The following MGAT4C variants were observed in gnomAD, a reference collection of about 807,000 sequenced individuals.
MGAT4C encodes the protein alpha-1,3-mannosyl-glycoprotein 4-beta-N-acetylglucosaminyltransferase C.
MGAT4C carries 19 observed loss-of-function variants against 40.1 expected under a neutral mutation model. The ratio of observed to expected loss-of-function variants is 0.47; its 90% CI spans 0.33 to 0.70. The LOEUF (loss-of-function observed/expected upper bound fraction) is 0.70, where lower values mean the gene tolerates loss of function less well. MGAT4C is among the 30% of genes least tolerant of loss of function. The pLI is 0.02. For missense variants in MGAT4C, 491 were observed against 563.2 expected, an observed-to-expected ratio of 0.87 and a Z score of 1.30; for synonymous variants, 181 against 187.1, an observed-to-expected ratio of 0.97 and a Z score of 0.27.
intron 2 of MGAT4C, among the ~76,000 whole-genome samples, chr12:86,554,512 G>A (rs1488046855): frequency 6.6e-6 from 1 of 152,040 alleles, no homozygotes; most frequent in Non-Finnish European, 1.5e-5. Flanking sequence ...ATCCTCTTCT[G>A]TTTCCCCAAG....
intron 2 of MGAT4C, among the ~76,000 whole-genome samples, chr12:86,621,638 C>T (rs1317116222): frequency 6.6e-6 from 1 of 152,042 alleles, no homozygotes; most frequent in African/African-American, 2.4e-5. Flanking sequence ...ACCACCATGG[C>T]TGGCTAATTT....
intron 2 of MGAT4C, among the ~76,000 whole-genome samples, chr12:86,617,880 G>A (rs1593048502): frequency 6.6e-6 from 1 of 151,956 alleles, no homozygotes; most frequent in East Asian, 1.9e-4. Flanking sequence ...TGAAACAATC[G>A]ACAATGTGAA....
intron 4 of MGAT4C, among the ~76,000 whole-genome samples, chr12:86,297,258 A>G (rs1953704899): frequency 6.6e-6 from 1 of 152,192 alleles, no homozygotes; most frequent in South Asian, 2.1e-4. Flanking sequence ...TTTAAGAATC[A>G]TAATAATTAT....
At chr12:86,217,029 T>C (rs1950698496) in intron 1 of MGAT4C, among the ~76,000 whole-genome samples, 1 of 152,194 alleles carries the variant, frequency 6.6e-6, no homozygotes, top group Non-Finnish European at 1.5e-5. Flanking sequence ...TTCCTCCCTA[T>C]AGCACAAGGT....
At chr12:86,058,311 T>A (rs1206060717) in intron 1 of MGAT4C, among the ~76,000 whole-genome samples, 1 of 152,144 alleles carries the variant, frequency 6.6e-6, no homozygotes, top group Non-Finnish European at 1.5e-5. Flanking sequence ...GTAAGTGGTA[T>A]AAATCTCAAA....
intron 2 of MGAT4C, among the ~76,000 whole-genome samples, chr12:86,528,669 T>C (rs536632983): frequency 6.6e-6 from 1 of 152,208 alleles, no homozygotes; most frequent in Non-Finnish European, 1.5e-5. Context: ...GAAAATTTTG[T>C]GTTTCTGTTT....
At chr12:86,161,492 T>C (rs775688834) in intron 1 of MGAT4C, among the ~76,000 whole-genome samples, 2 of 152,102 alleles carry the variant, frequency 1.3e-5, no homozygotes, top group African/African-American at 2.4e-5. Flanking sequence ...TTTCACCATA[T>C]ACAAAAATTA....
At chr12:86,563,139 A>G (rs1959946894) in intron 2 of MGAT4C, among the ~76,000 whole-genome samples, 1 of 152,180 alleles carries the variant, frequency 6.6e-6, no homozygotes, top group South Asian at 2.1e-4. Flanking sequence ...TGAGGGGAAC[A>G]CTTGCATCCC....
upstream of MGAT4C, among the ~76,000 whole-genome samples, chr12:86,260,967 A>G (rs1186217074): frequency 6.6e-6 from 1 of 152,014 alleles, no homozygotes; most frequent in Non-Finnish European, 1.5e-5. Flanking sequence ...TTTGTTCATT[A>G]AACAGCATAT....
chr12:86,675,711 A>G (rs989088940), intron 2 of MGAT4C, among the ~76,000 whole-genome samples: 3 of 152,160 alleles, frequency 2.0e-5, no homozygotes, highest in Admixed American at 2.0e-4. Context: ...TACAAAATAG[A>G]TGTACATATG....
chr12:86,384,010 T>C (rs1386500154), intron 3 of MGAT4C, among the ~76,000 whole-genome samples: 4 of 152,162 alleles, frequency 2.6e-5, no homozygotes, highest in Non-Finnish European at 4.4e-5. Flanking sequence ...GCTGTTCTAA[T>C]GATAGTGAAT....
intron 3 of MGAT4C, among the ~76,000 whole-genome samples, chr12:86,358,946 G>A (rs1400101212): frequency 6.6e-6 from 1 of 152,166 alleles, no homozygotes; most frequent in Non-Finnish European, 1.5e-5. Context: ...AGGATATCCA[G>A]GAATTGAACT....
intron 4 of MGAT4C, among the ~76,000 whole-genome samples, chr12:86,310,910 T>G (rs1019011888): frequency 3.9e-5 from 6 of 152,132 alleles, no homozygotes; most frequent in Non-Finnish European, 7.4e-5. Context: ...TGCGACACAA[T>G]GAGACTTCGT....
At chr12:86,459,517 A>G (rs1347292674) in intron 2 of MGAT4C, among the ~76,000 whole-genome samples, 1 of 152,094 alleles carries the variant, frequency 6.6e-6, no homozygotes, top group African/African-American at 2.4e-5. Flanking sequence ...AGCTAGCAAG[A>G]AAATGAGAAC....
At chr12:86,385,186 T>C (rs112516175) in intron 3 of MGAT4C, among the ~76,000 whole-genome samples, 1 of 152,198 alleles carries the variant, frequency 6.6e-6, no homozygotes, top group African/African-American at 2.4e-5. Flanking sequence ...CTGAGTTACA[T>C]AATTTTTTAA....
At chr12:86,740,912 T>C (rs989731685) in intron 1 of MGAT4C, among the ~76,000 whole-genome samples, 3 of 151,110 alleles carry the variant, frequency 2.0e-5, no homozygotes, top group African/African-American at 7.3e-5. Context: ...GGGTATATGA[T>C]GTGATATTGA....
intron 1 of MGAT4C, among the ~76,000 whole-genome samples, chr12:86,762,956 T>C (rs958390238): frequency 6.6e-6 from 1 of 152,212 alleles, no homozygotes; most frequent in Non-Finnish European, 1.5e-5. Context: ...CATGTTTCTG[T>C]TCTCCATGGG....
At chr12:86,101,258 A>G (rs1327647880) in intron 1 of MGAT4C, among the ~76,000 whole-genome samples, 1 of 151,828 alleles carries the variant, frequency 6.6e-6, no homozygotes, top group African/African-American at 2.4e-5. Context: ...GGCTTAAGTA[A>G]TATTTTGGAA....
intron 2 of MGAT4C, chr12:86,011,965 T>C (rs2136822029): frequency 1.7e-6 from 1 of 575,346 alleles, no homozygotes; most frequent in East Asian, 1.4e-4. Flanking sequence ...GGTTCCATGT[T>C]CAAATAACAT....
Sources: allele counts gnomAD v4.1 joint callset (sites outside exome capture counted in the v4.1 genomes callset), GRCh38; gene constraint gnomAD v4.1.1; transcripts MANE v1.5; gene names NCBI Gene and HGNC (gene_info 2026-07-23, HGNC 2026-07-21).